IFI27L1: variants seen among roughly 807,000 people sequenced by gnomAD.
The protein encoded by IFI27L1 is interferon alpha inducible protein 27 like 1, also known as interferon alpha-inducible protein 27-like protein 1.
In IFI27L1, 3 loss-of-function variants were observed where a neutral mutation model predicts 9.2. The observed-to-expected ratio is 0.32, with a 90% CI of 0.15 to 0.84. The LOEUF is 0.84. Ranked by LOEUF, IFI27L1 falls within the 40% of genes least tolerant of loss-of-function variation. The pLI is 0.56. For synonymous variants in IFI27L1, 53 were observed against 50.0 expected, an observed-to-expected ratio of 1.06 and a Z score of -0.26; for missense variants, 133 against 134.2, an observed-to-expected ratio of 0.99 and a Z score of 0.05.
chr14:94,090,168 A>T (rs1259762756), intron 1 of IFI27L1, among the ~76,000 whole-genome samples: 1 of 152,202 alleles, frequency 6.6e-6, no homozygotes, highest in East Asian at 1.9e-4. Context: ...CCAAATTAGA[A>T]TATTGATCCA....
At chr14:94,086,890 T>C (rs998771866) in intron 1 of IFI27L1, among the ~76,000 whole-genome samples, 1 of 152,222 alleles carries the variant, frequency 6.6e-6, no homozygotes, top group Admixed American at 6.5e-5. Flanking sequence ...TAAAATTTTA[T>C]TTATTCAATT....
chr14:94,087,128 C>T (rs1031597505), intron 1 of IFI27L1, among the ~76,000 whole-genome samples: 7 of 152,112 alleles, frequency 4.6e-5, no homozygotes, highest in Non-Finnish European at 1.0e-4. Context: ...AAGACAACAG[C>T]CTTAATCAAT....
chr14:94,100,206 C>A (rs892054556), intron 2 of IFI27L1: 1 of 893,522 alleles, frequency 1.1e-6, no homozygotes, highest in Non-Finnish European at 1.3e-6. Flanking sequence ...AGGTCCTGAG[C>A]CATGAGCTAA....
chr14:94,089,543 G>T (rs1257471910), intron 1 of IFI27L1, among the ~76,000 whole-genome samples: 3 of 152,136 alleles, frequency 2.0e-5, no homozygotes, highest in Non-Finnish European at 4.4e-5. Flanking sequence ...GTGGGTTTGG[G>T]CTGTCTTCTT....
chr14:94,085,600 G>A (rs918230509), intron 1 of IFI27L1, among the ~76,000 whole-genome samples: 3 of 152,032 alleles, frequency 2.0e-5, no homozygotes, highest in Admixed American at 2.0e-4. Flanking sequence ...GGAACTGAGT[G>A]TAATTTTTTC....
chr14:94,086,467 T>G (rs1206737218), intron 1 of IFI27L1, among the ~76,000 whole-genome samples: 2 of 152,186 alleles, frequency 1.3e-5, no homozygotes, highest in Admixed American at 1.3e-4. Context: ...CTCAACAATA[T>G]CTAATGAACC....
At chr14:94,086,039 T>C (rs1886267794) in intron 1 of IFI27L1, among the ~76,000 whole-genome samples, 1 of 152,224 alleles carries the variant, frequency 6.6e-6, no homozygotes, top group Non-Finnish European at 1.5e-5. Flanking sequence ...TGAATTGTAA[T>C]CCCCAATGCT....
Position 94,096,968 on chromosome 14 carries a change from G to T in IFI27L1, c.28+3G>T. The T allele has an allele frequency of 2.5e-6, 4 of 1,612,798 alleles. No individual in the cohort carries two copies. The highest frequency in any genetic ancestry group is 3.4e-6 in the Non-Finnish European group (4 of 1,179,262). ...AAAGGAGAGTGGATGGGACTCAGGT[G>T]GGTACTGCACATGATTCTGGGGGCT... On this transcript the variant is annotated splice_donor_region_variant and intron_variant, in intron 2 of 4. Coordinates refer to ENST00000555523, the MANE Select transcript of IFI27L1 (RefSeq NM_206949.3).
chr14:94,096,695 G>GAAA (rs11324210), intron 1 of IFI27L1, 192 bp from the exon 2 acceptor site: 172 of 288,734 alleles, frequency 6.0e-4, no homozygotes, highest in Middle Eastern at 9.0e-4. Context: ...CTCTGTCTCA[G>GAAA]AAAAAAAAAA....
intron 2 of IFI27L1, among the ~76,000 whole-genome samples, chr14:94,098,805 G>A (rs1011525021): frequency 2.0e-5 from 3 of 152,178 alleles, no homozygotes; most frequent in African/African-American, 7.2e-5. Context: ...ACATCTTGAT[G>A]ATTCACTCAT....
chr14:94,101,028 G>A, intron 3 of IFI27L1: 1 of 596,454 alleles, frequency 1.7e-6, no homozygotes, highest in Non-Finnish European at 3.0e-6. Context: ...CCCCGGATGA[G>A]TCATTGGAGC....
rs1162454833 is a variant in IFI27L1, at chr14:94,101,529, T to G, written c.62-285T>G. On this transcript the variant is annotated intron_variant, in intron 3 of 4. Transcript: ENST00000555523. ...GAAAGTTTGAAGACTGCTGTTTGCTTCAATGTATTTATTTTACATTAGGGG... is the reference window on the plus strand; with the variant it reads ...GAAAGTTTGAAGACTGCTGTTTGCTGCAATGTATTTATTTTACATTAGGGG... 5.3e-5 allele frequency among the ~76,000 whole-genome samples: 8 copies of G among 152,256 alleles called. No individual in the cohort carries two copies. In the East Asian group the frequency reaches 1.5e-3, roughly 29 times the overall value.
chr14:94,099,462 G>A (rs1438748884), intron 2 of IFI27L1, among the ~76,000 whole-genome samples: 1 of 152,152 alleles, frequency 6.6e-6, no homozygotes, highest in Non-Finnish European at 1.5e-5. Context: ...GGAGTGAAAG[G>A]AACAGAAAGA....
intron 1 of IFI27L1, chr14:94,089,187 A>G (rs932571184): frequency 2.6e-5 from 4 of 152,250 alleles, no homozygotes; most frequent in African/African-American, 9.6e-5. Context: ...AGGTGAATCC[A>G]TAAAGCAAGA....
chr14:94,087,918 G>A (rs1886336617), intron 1 of IFI27L1, among the ~76,000 whole-genome samples: 1 of 152,178 alleles, frequency 6.6e-6, no homozygotes, highest in South Asian at 2.1e-4. Context: ...GTCAAATAAA[G>A]TATGGGTTAG....
Position 94,100,661 on chromosome 14 carries a change from T to TG in IFI27L1, c.29-73dup, listed in dbSNP as rs980580424. 5 of 1,600,164 alleles carry TG rather than the reference T, an allele frequency of 3.1e-6. No homozygotes were observed. In the Admixed American group the frequency reaches 6.7e-5, roughly 21 times the overall value. On this transcript the variant is annotated intron_variant, in intron 2 of 4. Coordinates refer to ENST00000555523, the MANE Select transcript of IFI27L1 (RefSeq NM_206949.3). ...AAGAATAGCAAAGTTGAATTTGAGATGGGGGTATCAGAGAGTACCCACTCC... is the reference window on the plus strand; with the variant it reads ...AAGAATAGCAAAGTTGAATTTGAGATGGGGGGTATCAGAGAGTACCCACTCC...
chr14:94,102,047 C>A, intron 4 of IFI27L1, 72 bp downstream of exon 4: 1 of 1,488,488 alleles, frequency 6.7e-7, no homozygotes, highest in Non-Finnish European at 9.4e-7. Flanking sequence ...GGAGGCCTCT[C>A]CTCTCCCTGC....
intron 2 of IFI27L1, 48 bp from the exon 3 acceptor site, chr14:94,100,691 G>A: frequency 6.2e-6 from 10 of 1,609,106 alleles, no homozygotes; most frequent in Non-Finnish European, 8.5e-6. Context: ...CACTCCCATA[G>A]GTTTGTGTTT....
chr14:94,102,486 G>T lies in IFI27L1; in HGVS notation c.233G>T (p.Gly78Val). The T allele has an allele frequency of 6.3e-7, 1 of 1,587,794 alleles. No individual in the cohort carries two copies. Among genetic ancestry groups the T allele is most frequent in the East Asian group, 2.3e-5 (1 of 43,650 alleles). The change falls in exon 5 of 5, where the codon GGA becomes GTA. Residue 78 changes from glycine to valine, a missense_variant. Coordinates refer to ENST00000555523, the MANE Select transcript of IFI27L1 (RefSeq NM_206949.3). ...CTCTCTTCTCCCCCAGGGGCAGCTG[G>T]ACTCTCTGTGACATCTAAAGTTATC... ...VAILQSVGAA[G>V]LSVTSKVIGG...
Sources: allele counts gnomAD v4.1 joint callset (sites outside exome capture counted in the v4.1 genomes callset), GRCh38; gene constraint gnomAD v4.1.1; transcripts MANE v1.5; gene names NCBI Gene and HGNC (gene_info 2026-07-23, HGNC 2026-07-21).